Variants in EPHA6 observed in about 807,000 individuals in gnomAD.
EPHA6 encodes EPH receptor A6.
EPHA6 carries 50 observed loss-of-function variants against 112.0 expected under a neutral mutation model. That is an observed-to-expected ratio of 0.45 (90% CI 0.36 to 0.56). The LOEUF is 0.56. EPHA6 is among the 20% of genes least tolerant of loss of function. EPHA6 has a pLI of 0.00. For missense variants in EPHA6, 1,280 were observed against 1,417.4 expected (o/e 0.90, Z 1.56); for synonymous variants, 529 against 490.7 (o/e 1.08, Z -1.03).
chr3:97,032,173 C>G (rs1441916118), intron 3 of EPHA6, among the ~76,000 whole-genome samples: 4 of 152,100 alleles, frequency 2.6e-5, no homozygotes, highest in African/African-American at 9.7e-5. Flanking sequence ...TGGAAACCAT[C>G]ATTCTCAGAA....
intron 5 of EPHA6, among the ~76,000 whole-genome samples, chr3:97,279,088 CA>C (rs1252981263): frequency 6.6e-6 from 1 of 152,122 alleles, no homozygotes; most frequent in Non-Finnish European, 1.5e-5. Context: ...GGATTCTTTA[CA>C]AGCAATTTAG....
intron 5 of EPHA6, among the ~76,000 whole-genome samples, chr3:97,284,429 T>G (rs7622861): frequency 0.01 from 1,593 of 152,322 alleles, 31 homozygotes; most frequent in African/African-American, 0.035. Flanking sequence ...ATCTTACTTC[T>G]TCCTTTAAAG....
At chr3:97,138,535 C>T (rs1430048428) in intron 3 of EPHA6, among the ~76,000 whole-genome samples, 1 of 152,242 alleles carries the variant, frequency 6.6e-6, no homozygotes, top group Non-Finnish European at 1.5e-5. Context: ...ATTGCTTCAT[C>T]TGCATGTTTT....
At chr3:97,696,928 A>C (rs2107724589) in intron 14 of EPHA6, among the ~76,000 whole-genome samples, 1 of 152,312 alleles carries the variant, frequency 6.6e-6, no homozygotes, top group Non-Finnish European at 1.5e-5. Flanking sequence ...ACATAATTGT[A>C]AATTTAGTAT....
intron 14 of EPHA6, among the ~76,000 whole-genome samples, chr3:97,678,940 A>C (rs577053048): frequency 6.6e-6 from 1 of 152,174 alleles, no homozygotes; most frequent in African/African-American, 2.4e-5. Flanking sequence ...ACCCAATCTG[A>C]AACTCTATCT....
intron 5 of EPHA6, among the ~76,000 whole-genome samples, chr3:97,249,331 G>A (rs977488798): frequency 6.6e-6 from 1 of 152,088 alleles, no homozygotes; most frequent in Non-Finnish European, 1.5e-5. Flanking sequence ...TGTCAAACTG[G>A]CTAATCATTA....
At chr3:97,272,259 C>T (rs2079907518) in intron 5 of EPHA6, among the ~76,000 whole-genome samples, 1 of 152,006 alleles carries the variant, frequency 6.6e-6, no homozygotes, top group Admixed American at 6.5e-5. Flanking sequence ...CTAATGGCAG[C>T]ATCTCTTTCT....
At chr3:96,827,613 C>A in intron 1 of EPHA6, among the ~76,000 whole-genome samples, 1 of 152,042 alleles carries the variant, frequency 6.6e-6, no homozygotes, top group Admixed American at 6.6e-5. Context: ...ATTAATTCCA[C>A]TTTTATGAAT....
chr3:97,601,284 A>C (rs1012078696), intron 12 of EPHA6, among the ~76,000 whole-genome samples: 1 of 152,158 alleles, frequency 6.6e-6, no homozygotes, highest in Non-Finnish European at 1.5e-5. Context: ...CTGAGTCTTC[A>C]TGTAAATCAG....
chr3:97,720,287 A>T lies in EPHA6; in HGVS notation c.2811A>T (p.Thr937=). ...GTGGAAAAATCCCCATAAGGTGGAC[A>T]GCCCCAGAAGCCATCGCCTACAGAA... ...TTGGKIPIRW[T]APEAIAYRKF... is the part of the protein sequence containing the mutation. Residue 937 remains threonine (T), a synonymous_variant, in exon 15 of 18, where the codon ACA becomes ACT. Coordinates refer to ENST00000389672, the MANE Select transcript of EPHA6 (RefSeq NM_001080448.3). The T allele has an allele frequency of 6.2e-7, 1 of 1,600,886 alleles. No homozygotes were observed. Among genetic ancestry groups the T allele is most frequent in the Non-Finnish European group, 8.5e-7 (1 of 1,174,824 alleles).
intron 3 of EPHA6, among the ~76,000 whole-genome samples, chr3:97,114,267 A>C (rs2047815762): frequency 6.6e-6 from 1 of 151,602 alleles, no homozygotes; most frequent in African/African-American, 2.4e-5. Flanking sequence ...TAAAAATACA[A>C]CTGAACATTT....
chr3:97,356,694 T>C (rs2084095077), intron 5 of EPHA6, among the ~76,000 whole-genome samples: 1 of 152,164 alleles, frequency 6.6e-6, no homozygotes, highest in Non-Finnish European at 1.5e-5. Flanking sequence ...TTCTGATCTG[T>C]TGAAATTTAA....
intron 3 of EPHA6, among the ~76,000 whole-genome samples, chr3:97,200,728 C>G (rs2077559174): frequency 6.6e-6 from 1 of 152,034 alleles, no homozygotes; most frequent in African/African-American, 2.4e-5. Context: ...ATGTAGATGG[C>G]TGTGTATTAG....
At chr3:97,441,366 T>C in intron 6 of EPHA6, 2 of 638,730 alleles carry the variant, frequency 3.1e-6, no homozygotes, top group Non-Finnish European at 3.9e-6. Context: ...AACAGATAAA[T>C]TGTTTTATAA....
At chr3:97,525,669 G>T (rs1181008029) in intron 10 of EPHA6, among the ~76,000 whole-genome samples, 1 of 152,184 alleles carries the variant, frequency 6.6e-6, no homozygotes, top group Non-Finnish European at 1.5e-5. Context: ...TAGGTCTGCA[G>T]GTTGATGAGA....
intron 16 of EPHA6, among the ~76,000 whole-genome samples, chr3:97,740,894 T>G (rs958698642): frequency 6.6e-6 from 1 of 152,176 alleles, no homozygotes; most frequent in African/African-American, 2.4e-5. Context: ...TTTTTTTTTT[T>G]GATTCTTGTT....
In EPHA6 at chr3:97,642,226, G is replaced by C. The variant is rs1173082826; in HGVS notation, c.2784+4144G>C. 6.3e-5 allele frequency among the ~76,000 whole-genome samples: 6 copies of C among 94,530 alleles called. No individual in the cohort carries two copies. In the East Asian group the frequency reaches 1.7e-3, roughly 26 times the overall value. 62.0% of individuals were successfully genotyped at this position (94,530 alleles called of 152,430 possible). On this transcript the variant is annotated intron_variant, in intron 14 of 17. Coordinates refer to ENST00000389672, the MANE Select transcript of EPHA6 (RefSeq NM_001080448.3). ...GTATTCCAACAGACCTGCAGCTGAG[G>C]GTACTGTCTGTTAGAAGGAAAACTA...
intron 3 of EPHA6, among the ~76,000 whole-genome samples, chr3:97,161,674 G>A (rs1262965592): frequency 6.6e-6 from 1 of 152,040 alleles, no homozygotes; most frequent in Admixed American, 6.6e-5. Flanking sequence ...CACCTTAGAA[G>A]GGATATCTTG....
At chr3:97,163,235 ATCT>A (rs1390029172) in intron 3 of EPHA6, among the ~76,000 whole-genome samples, 1 of 152,160 alleles carries the variant, frequency 6.6e-6, no homozygotes, top group Non-Finnish European at 1.5e-5. Context: ...TTTTTAAATC[ATCT>A]TCTGTCCATT....
Sources: allele counts gnomAD v4.1 joint callset (sites outside exome capture counted in the v4.1 genomes callset), GRCh38; gene constraint gnomAD v4.1.1; transcripts MANE v1.5; gene names NCBI Gene and HGNC (gene_info 2026-07-23, HGNC 2026-07-21).